The following FOXK2 variants were observed in gnomAD, a reference collection of about 807,000 sequenced individuals.
FOXK2 encodes the protein forkhead box protein K2.
In FOXK2, 24 loss-of-function variants were observed where a neutral mutation model predicts 53.3. That is an observed-to-expected ratio of 0.45 (90% confidence interval 0.33 to 0.63). The LOEUF is 0.63. Among genes scored for constraint, FOXK2 ranks in the 30% least tolerant of loss-of-function variants. The pLI is 0.03. For missense variants in FOXK2, 952 were observed against 910.5 expected (o/e 1.05, Z -0.59); for synonymous variants, 505 against 407.1 (o/e 1.24, Z -2.89).
chr17:82,564,239 C>T (rs1037283611), intron 2 of FOXK2, among the ~76,000 whole-genome samples: 5 of 151,916 alleles, frequency 3.3e-5, no homozygotes, highest in African/African-American at 1.2e-4. Context: ...AGACATGTGC[C>T]ACCATACCCG....
At chr17:82,533,722 A>G (rs1318306193) in intron 1 of FOXK2, among the ~76,000 whole-genome samples, 1 of 151,996 alleles carries the variant, frequency 6.6e-6, no homozygotes, top group South Asian at 2.1e-4. Flanking sequence ...CGGGACCCTC[A>G]TATATGCGGC....
intron 6 of FOXK2, 109 bp downstream of exon 6, chr17:82,584,297 T>C (rs948928757): frequency 8.8e-7 from 1 of 1,134,454 alleles, no homozygotes; most frequent in South Asian, 1.9e-5. Context: ...TGTCCCTCTG[T>C]ACCTTATACT....
intron 1 of FOXK2, among the ~76,000 whole-genome samples, chr17:82,524,479 C>T (rs1365366057): frequency 3.9e-5 from 6 of 152,184 alleles, no homozygotes; most frequent in Non-Finnish European, 1.5e-5. Flanking sequence ...TGATCCTGTC[C>T]TTGTCTGCTG....
chr17:82,574,321 C>CT (rs750973206), intron 4 of FOXK2, among the ~76,000 whole-genome samples: 31,586 of 137,090 alleles, frequency 0.23, 3,859 homozygotes, highest in East Asian at 0.43. Context: ...TACTCTCTCT[C>CT]TTTTTTTTTT....
chr17:82,602,333 T>G lies in FOXK2; in HGVS notation c.*834T>G, dbSNP rs2045395834. ...CTGGCTATTTTTTGTTGTTTGTTTC[T>G]TTGTGTTGACTTTGTCCCTGGCAAA... On this transcript the variant is annotated 3_prime_UTR_variant, in exon 9 of 9. Coordinates refer to ENST00000335255, the MANE Select transcript of FOXK2 (RefSeq NM_004514.4). 6.6e-6 allele frequency: 1 copy of G among 152,242 alleles called. No homozygotes were observed. The highest frequency in any genetic ancestry group is 6.5e-5 in the Admixed American group (1 of 15,286). 9.4% of individuals were successfully genotyped at this position (152,242 alleles called of 1,614,324 possible).
chr17:82,577,461 C>G, intron 4 of FOXK2: 1 of 348,180 alleles, frequency 2.9e-6, no homozygotes, highest in South Asian at 3.1e-5. Flanking sequence ...GGCGGGCGGC[C>G]GGGTTAAGGT....
chr17:82,532,073 C>A (rs543155865), intron 1 of FOXK2, among the ~76,000 whole-genome samples: 1 of 152,008 alleles, frequency 6.6e-6, no homozygotes, highest in Non-Finnish European at 1.5e-5. Flanking sequence ...TGGTCTTGAA[C>A]TCCTGAGCTC....
chr17:82,521,365 G>T (rs2044359847), intron 1 of FOXK2, among the ~76,000 whole-genome samples: 1 of 151,754 alleles, frequency 6.6e-6, no homozygotes, highest in African/African-American at 2.4e-5. Flanking sequence ...GTAGAGACGG[G>T]GTTTCACCAT....
intron 1 of FOXK2, among the ~76,000 whole-genome samples, chr17:82,520,707 A>G (rs551426368): frequency 1.1e-4 from 16 of 147,572 alleles, no homozygotes; most frequent in South Asian, 6.3e-4. Flanking sequence ...ACTAAAATCT[A>G]TGTCTCTTAA....
chr17:82,584,245 C>G, intron 6 of FOXK2, 57 bp downstream of exon 6: 1 of 1,478,648 alleles, frequency 6.8e-7, no homozygotes, highest in Admixed American at 2.3e-5. Flanking sequence ...ACGCGGACGC[C>G]TGGGCTCCAC....
At chr17:82,520,393 C>T (rs922950695) in intron 1 of FOXK2, 86 bp downstream of exon 1, 1 of 1,125,088 alleles carries the variant, frequency 8.9e-7, no homozygotes, top group East Asian at 3.5e-5. Flanking sequence ...AGGCCCGGGA[C>T]CACCCACGAG....
At chr17:82,580,392 A>G (rs113761659) in intron 4 of FOXK2, among the ~76,000 whole-genome samples, 3,580 of 27,344 alleles carry the variant, frequency 0.13, 459 homozygotes, top group South Asian at 0.21. Context: ...AAGTAGCTCC[A>G]TCCACAGGGC....
intron 3 of FOXK2, among the ~76,000 whole-genome samples, chr17:82,568,550 T>C (rs1255465055): frequency 1.3e-5 from 2 of 152,190 alleles, no homozygotes; most frequent in African/African-American, 4.8e-5. Context: ...CTGAAGGTTA[T>C]GCAAATGCAC....
chr17:82,556,168 G>A (rs1431730449), intron 1 of FOXK2, among the ~76,000 whole-genome samples: 4 of 152,022 alleles, frequency 2.6e-5, no homozygotes, highest in Non-Finnish European at 5.9e-5. Context: ...CAAGTTGGCC[G>A]GGCACGGTGG....
chr17:82,571,683 G>T, intron 3 of FOXK2, 41 bp from the exon 4 acceptor site: 2 of 1,456,096 alleles, frequency 1.4e-6, no homozygotes, highest in Non-Finnish European at 1.8e-6. Context: ...ACAAAATATG[G>T]TAACTTCAAT....
chr17:82,571,591 ACT>A (rs747315604), intron 3 of FOXK2, 131 bp from the exon 4 acceptor site: 25 of 939,178 alleles, frequency 2.7e-5, no homozygotes, highest in East Asian at 1.9e-4. Flanking sequence ...ACACAGCGAG[ACT>A]CTGTCTCAAA....
In FOXK2 at chr17:82,587,058, T is replaced by A; in HGVS notation, c.1577-5T>A. On this transcript the variant is annotated splice_polypyrimidine_tract_variant and splice_region_variant and intron_variant, in intron 7 of 8. Transcript: ENST00000335255. ...TTAATGTCGTTTCTTTTCCTTTAAT[T>A]TCAGTGAAAGTAGAGCCTATTCCCG... 1.2e-6 allele frequency: 2 copies of A among 1,612,026 alleles called. No individual in the cohort carries two copies. Among genetic ancestry groups the A allele is most frequent in the Non-Finnish European group, 1.7e-6 (2 of 1,179,598 alleles).
Position 82,548,629 on chromosome 17 carries a change from A to G in FOXK2, c.420-14725A>G, listed in dbSNP as rs192870113. Among the ~76,000 whole-genome samples the G allele has an allele frequency of 2.8e-3, 420 of 152,164 alleles. 2 individuals carry two copies. Among genetic ancestry groups the G allele is most frequent in the African/African-American group, 9.5e-3 (395 of 41,500 alleles). ...TTCATATATTCAAATATTGATTTCT[A>G]CTTAATTTTTCACTTAGAGGTGTAC... is the stretch of plus-strand genomic sequence containing the variant. On this transcript the variant is annotated intron_variant, in intron 1 of 8. Coordinates refer to ENST00000335255, the MANE Select transcript of FOXK2 (RefSeq NM_004514.4).
intron 8 of FOXK2, among the ~76,000 whole-genome samples, chr17:82,594,956 T>G (rs941009923): frequency 5.9e-5 from 9 of 151,658 alleles, no homozygotes; most frequent in Non-Finnish European, 7.4e-5. Flanking sequence ...AGGGAGATCG[T>G]TTGAGCCAGG....
Sources: gnomAD v4.1 joint callset for allele counts (sites outside exome capture counted in the v4.1 genomes callset) on GRCh38, gnomAD v4.1.1 for gene constraint, MANE v1.5 for transcripts, NCBI Gene and HGNC (gene_info 2026-07-23, HGNC 2026-07-21) for gene names.